The following GRIA3 variants were observed in gnomAD, a reference collection of about 807,000 sequenced individuals.
The protein encoded by GRIA3 is glutamate ionotropic receptor AMPA type subunit 3.
A neutral mutation model predicts 63.0 loss-of-function variants in GRIA3; 3 were observed. The ratio of observed to expected loss-of-function variants is 0.05; its 90% confidence interval spans 0.02 to 0.12. The LOEUF is 0.12. GRIA3 is among the 10% of genes least tolerant of loss of function. GRIA3 has a pLI of 1.00. For missense variants in GRIA3, 347 were observed against 700.9 expected, an observed-to-expected ratio of 0.50 and a Z score of 5.70; for synonymous variants, 274 against 257.9, an observed-to-expected ratio of 1.06 and a Z score of -0.60.
At chrX:123,316,210 T>A (rs760293340) in intron 3 of GRIA3, among the ~76,000 whole-genome samples, 1 of 110,752 alleles carries the variant, frequency 9.0e-6, no homozygotes, top group African/African-American at 3.3e-5. Context: ...AAATCAATAA[T>A]AAAGACATTA....
At chrX:123,337,369 C>T (rs2044980878) in intron 4 of GRIA3, among the ~76,000 whole-genome samples, 1 of 111,976 alleles carries the variant, frequency 8.9e-6, no homozygotes, top group Admixed American at 9.5e-5. Context: ...AAATTGTTTT[C>T]ATGCCTTTAA....
intron 3 of GRIA3, among the ~76,000 whole-genome samples, chrX:123,304,109 C>T (rs2044740679): frequency 9.0e-6 from 1 of 110,621 alleles, no homozygotes; most frequent in Non-Finnish European, 1.9e-5. Flanking sequence ...TTGTAATATC[C>T]TTGGGCACCA....
At chrX:123,409,110 G>T (rs1276628227) in intron 10 of GRIA3, among the ~76,000 whole-genome samples, 2 of 111,972 alleles carry the variant, frequency 1.8e-5, no homozygotes, top group African/African-American at 3.2e-5. Context: ...AACCCCTAAT[G>T]ATTTCTCTAA....
intron 3 of GRIA3, among the ~76,000 whole-genome samples, chrX:123,301,836 C>T (rs73551797): frequency 0.021 from 2,381 of 111,699 alleles, 58 homozygotes; most frequent in African/African-American, 0.073. Context: ...GGAAGCTGGG[C>T]CCACACAAGT....
At chrX:123,480,971 C>T (rs1215747074) in intron 14 of GRIA3, among the ~76,000 whole-genome samples, 1 of 110,928 alleles carries the variant, frequency 9.0e-6, no homozygotes, top group Non-Finnish European at 1.9e-5. Context: ...GGACTAATAT[C>T]GTGGTATCAG....
intron 3 of GRIA3, among the ~76,000 whole-genome samples, chrX:123,265,319 A>G (rs1277630723): frequency 9.0e-6 from 1 of 111,686 alleles, no homozygotes; most frequent in Admixed American, 9.5e-5. Context: ...CTCAAAACTT[A>G]ACTACTAATA....
chrX:123,405,022 A>G (rs1487354918), intron 10 of GRIA3, 108 bp downstream of exon 10: 1 of 617,807 alleles, frequency 1.6e-6, no homozygotes, highest in Non-Finnish European at 2.8e-6. Flanking sequence ...TATAGTTTAC[A>G]TATAGTCTAC....
intron 2 of GRIA3, among the ~76,000 whole-genome samples, chrX:123,253,052 C>T (rs771341522): frequency 5.4e-5 from 6 of 111,281 alleles, no homozygotes; most frequent in East Asian, 2.8e-4. Flanking sequence ...GGGAGTAAGA[C>T]GACTTTCACC....
intron 5 of GRIA3, among the ~76,000 whole-genome samples, chrX:123,360,402 G>A (rs1242959700): frequency 1.8e-5 from 2 of 108,739 alleles, no homozygotes; most frequent in Non-Finnish European, 3.8e-5. Context: ...GACACGTTGG[G>A]CCGGGAGCGA....
rs180818928 is a variant in GRIA3, at chrX:123,344,163, G to A, written c.697-10747G>A. ...GCTTTACTGCCCAACTCACAGTTTTGTTTTGTTTTATCACTTGCAGTGTTG... is the reference window on the plus strand; with the variant it reads ...GCTTTACTGCCCAACTCACAGTTTTATTTTGTTTTATCACTTGCAGTGTTG... On this transcript the variant is annotated intron_variant, in intron 4 of 15. Transcript: ENST00000620443. Among the ~76,000 whole-genome samples the A allele has an allele frequency of 1.8e-3, 203 of 111,118 alleles. 1 individual carries two copies. The highest frequency in any genetic ancestry group is 3.3e-3 in the Non-Finnish European group (171 of 52,438).
chrX:123,486,702 A>G (rs1302931751), intron 15 of GRIA3, among the ~76,000 whole-genome samples: 1 of 112,044 alleles, frequency 8.9e-6, no homozygotes, highest in Non-Finnish European at 1.9e-5. Context: ...TTTATTTCCC[A>G]AGAAGGTCTG....
chrX:123,401,933 T>C (rs1233051453), intron 7 of GRIA3, among the ~76,000 whole-genome samples: 1 of 111,861 alleles, frequency 8.9e-6, no homozygotes, highest in African/African-American at 3.2e-5. Context: ...GTAGAGGGTA[T>C]TTCATCCAGT....
At chrX:123,281,389 C>T (rs186536377) in intron 3 of GRIA3, among the ~76,000 whole-genome samples, 1 of 112,349 alleles carries the variant, frequency 8.9e-6, no homozygotes, top group African/African-American at 3.2e-5. Flanking sequence ...CTAACAATAA[C>T]TGCTGGACTT....
intron 13 of GRIA3, among the ~76,000 whole-genome samples, chrX:123,466,427 G>A (rs983804545): frequency 4.5e-5 from 5 of 111,806 alleles, no homozygotes; most frequent in Non-Finnish European, 7.5e-5. Flanking sequence ...AAGCAAGTGC[G>A]TCGCCTAACT....
chrX:123,370,213 G>C (rs1028688723), intron 5 of GRIA3, among the ~76,000 whole-genome samples: 2 of 111,785 alleles, frequency 1.8e-5, no homozygotes, highest in Non-Finnish European at 3.8e-5. Flanking sequence ...ATACAAAAGT[G>C]GTCTTCTAAT....
At chrX:123,218,442 T>A (rs960848214) in intron 2 of GRIA3, among the ~76,000 whole-genome samples, 1 of 111,609 alleles carries the variant, frequency 9.0e-6, no homozygotes, top group African/African-American at 3.3e-5. Context: ...ATGCTGATTT[T>A]TTTGTTTTGT....
chrX:123,328,674 G>T (rs1232536091), intron 4 of GRIA3, among the ~76,000 whole-genome samples: 1 of 111,964 alleles, frequency 8.9e-6, no homozygotes, highest in African/African-American at 3.2e-5. Flanking sequence ...AGTGTTGGAT[G>T]AATGAATGGA....
intron 3 of GRIA3, among the ~76,000 whole-genome samples, chrX:123,299,558 T>C (rs781240472): frequency 9.0e-6 from 1 of 111,663 alleles, no homozygotes; most frequent in East Asian, 2.8e-4. Flanking sequence ...GGAATGCTAG[T>C]AATTTTTGCA....
intron 12 of GRIA3, among the ~76,000 whole-genome samples, chrX:123,457,221 G>A (rs1383174132): frequency 1.8e-5 from 2 of 110,892 alleles, no homozygotes; most frequent in Non-Finnish European, 3.8e-5. Flanking sequence ...TTTGGGGTAT[G>A]AATCCCCTAT....
Sources: gnomAD v4.1 joint callset for allele counts (sites outside exome capture counted in the v4.1 genomes callset) on GRCh38, gnomAD v4.1.1 for gene constraint, MANE v1.5 for transcripts, NCBI Gene and HGNC (gene_info 2026-07-23, HGNC 2026-07-21) for gene names.